Variants in OR2AT4 observed in about 807,000 individuals in gnomAD.
The protein encoded by OR2AT4 is olfactory receptor family 2 subfamily AT member 4.
OR2AT4 carries 6 observed loss-of-function variants against 10.3 expected under a neutral mutation model. The ratio of observed to expected loss-of-function variants is 0.58; its 90% CI spans 0.32 to 1.15. The LOEUF is 1.15. OR2AT4 is among the 50% of genes most tolerant of loss of function. The pLI is 0.05. For missense variants in OR2AT4, 354 were observed against 393.8 expected, an observed-to-expected ratio of 0.90 and a Z score of 0.85; for synonymous variants, 145 against 159.1, an observed-to-expected ratio of 0.91 and a Z score of 0.67.
chr11:75,087,841 T>G (rs191988072), exon 2 of OR2AT4: 171 of 152,326 alleles, frequency 1.1e-3, no homozygotes, highest in African/African-American at 4.0e-3. Flanking sequence ...AATAATTACA[T>G]ATGTCTAGAC....
At chr11:75,090,614 C>G (rs990024835) in intron 1 of OR2AT4, among the ~76,000 whole-genome samples, 1 of 152,054 alleles carries the variant, frequency 6.6e-6, no homozygotes, top group African/African-American at 2.4e-5. Flanking sequence ...GGCAGAGAGT[C>G]ATAGATGAGA....
At chr11:75,089,285 T>C in exon 2 of OR2AT4, 1 of 1,614,082 alleles carries the variant, frequency 6.2e-7, no homozygotes, top group East Asian at 2.2e-5. Flanking sequence ...CATTGGTCTG[T>C]GGGTTCATGA....
rs1300949601 is a variant in OR2AT4 at position 75,089,626 on chromosome 11, GGAA to G, written c.85_87del (p.Phe29del). 4 of 1,613,978 alleles carry G rather than the reference GGAA, an allele frequency of 2.5e-6. No homozygotes were observed. The African/African-American group carries it at 5.3e-5, about 22-fold the overall frequency. ...AGGAGGAAAATAAAAAACACAGGGA[GGAA>G]GAAGGTCTCTGGCAGAGAGGGGATG... On this transcript the variant is annotated inframe_deletion, in exon 2 of 2. Coordinates refer to ENST00000641504, the Ensembl canonical transcript of OR2AT4.
chr11:75,093,004 G>A (rs1949327197), intron 1 of OR2AT4, among the ~76,000 whole-genome samples: 1 of 152,200 alleles, frequency 6.6e-6, no homozygotes, highest in Non-Finnish European at 1.5e-5. Context: ...GGAGGCTGAA[G>A]CAGGAGAATC....
exon 2 of OR2AT4, chr11:75,089,629 A>T (rs1287320736): frequency 6.2e-7 from 1 of 1,614,044 alleles, no homozygotes; most frequent in Non-Finnish European, 8.5e-7. Flanking sequence ...ACAGGGAGGA[A>T]GAAGGTCTCT....
chr11:75,093,734 A>G (rs573088571), intron 1 of OR2AT4, among the ~76,000 whole-genome samples: 1 of 151,564 alleles, frequency 6.6e-6, no homozygotes, highest in African/African-American at 2.4e-5. Context: ...ATGCCATTGA[A>G]TCATAAAAAA....
intron 1 of OR2AT4, among the ~76,000 whole-genome samples, chr11:75,094,393 C>T (rs1363833549): frequency 6.6e-6 from 1 of 152,150 alleles, no homozygotes; most frequent in Admixed American, 6.5e-5. Context: ...TCTTTAGTTT[C>T]CTAAGTGTGG....
At chr11:75,089,178 A>G (rs974575128) in exon 2 of OR2AT4, 3 of 1,614,006 alleles carry the variant, frequency 1.9e-6, no homozygotes, top group Non-Finnish European at 2.5e-6. Context: ...GCAGTGGTAG[A>G]TGTAGGCAAT....
At chr11:75,091,915 C>A (rs1487998856) in intron 1 of OR2AT4, among the ~76,000 whole-genome samples, 14 of 151,986 alleles carry the variant, frequency 9.2e-5, no homozygotes, top group Admixed American at 9.2e-4. Flanking sequence ...TCAAAAAAGA[C>A]AATAATAAAT....
At chr11:75,094,537 C>G (rs763693527) in intron 1 of OR2AT4, among the ~76,000 whole-genome samples, 31 of 152,042 alleles carry the variant, frequency 2.0e-4, no homozygotes, top group Non-Finnish European at 3.5e-4. Flanking sequence ...TGCTTGAGAC[C>G]AGGAGTTTGA....
exon 2 of OR2AT4, chr11:75,084,617 G>C (rs1392258436): frequency 6.6e-6 from 1 of 151,912 alleles, no homozygotes; most frequent in African/African-American, 2.4e-5. Flanking sequence ...AAATTTAAAA[G>C]AATAGGCCAT....
intron 1 of OR2AT4, among the ~76,000 whole-genome samples, chr11:75,093,846 G>C (rs1322523961): frequency 1.1e-5 from 1 of 92,326 alleles, no homozygotes; most frequent in African/African-American, 4.2e-5. Flanking sequence ...TTTTGAGACA[G>C]AGTCTTGCTC....
exon 2 of OR2AT4, chr11:75,087,419 C>A (rs1037936074): frequency 6.6e-6 from 1 of 152,022 alleles, no homozygotes; most frequent in Non-Finnish European, 1.5e-5. Context: ...CTATAATATT[C>A]ATGTTTTTAA....
At chr11:75,092,772 T>C (rs1949326144) in intron 1 of OR2AT4, among the ~76,000 whole-genome samples, 1 of 151,248 alleles carries the variant, frequency 6.6e-6, no homozygotes, top group Non-Finnish European at 1.5e-5. Context: ...ACCCTGTCTC[T>C]ACAAAAAAAT....
At chr11:75,095,425 C>T (rs899305394) in intron 1 of OR2AT4, among the ~76,000 whole-genome samples, 3 of 152,116 alleles carry the variant, frequency 2.0e-5, no homozygotes, top group Admixed American at 6.5e-5. Flanking sequence ...TTCCTGGGCT[C>T]TTGAAGTTCC....
chr11:75,094,939 A>G (rs1949339004), intron 1 of OR2AT4, among the ~76,000 whole-genome samples: 1 of 152,156 alleles, frequency 6.6e-6, no homozygotes, highest in Non-Finnish European at 1.5e-5. Context: ...TTTTTCTAAT[A>G]CCCAAAGAGA....
intron 1 of OR2AT4, among the ~76,000 whole-genome samples, chr11:75,093,520 G>A (rs79055750): frequency 0.029 from 4,413 of 152,242 alleles, 203 homozygotes; most frequent in African/African-American, 0.1. Context: ...CCACAGAACC[G>A]GAGATCTTTA....
exon 2 of OR2AT4, chr11:75,089,123 G>A: frequency 1.2e-6 from 2 of 1,614,002 alleles, no homozygotes; most frequent in Non-Finnish European, 1.7e-6. Context: ...TCTGGGGGGT[G>A]GTGTCAGAGC....
intron 1 of OR2AT4, among the ~76,000 whole-genome samples, chr11:75,094,356 C>A (rs1245210150): frequency 6.6e-6 from 1 of 152,186 alleles, no homozygotes; most frequent in East Asian, 1.9e-4. Context: ...ATATTGTCAG[C>A]AGCAAACTAC....
Sources: allele counts gnomAD v4.1 joint callset (sites outside exome capture counted in the v4.1 genomes callset), GRCh38; gene constraint gnomAD v4.1.1; transcripts MANE v1.5; gene names NCBI Gene and HGNC (gene_info 2026-07-23, HGNC 2026-07-21).